Variants in NANP observed in about 807,000 individuals in gnomAD.
NANP encodes N-acylneuraminate-9-phosphatase.
NANP carries 15 observed loss-of-function variants against 16.9 expected under a neutral mutation model. The ratio of observed to expected loss-of-function variants is 0.89; its 90% CI spans 0.59 to 1.37. The LOEUF (loss-of-function observed/expected upper bound fraction) is 1.37, where lower values mean the gene tolerates loss of function less well. NANP is among the 40% of genes most tolerant of loss of function. The probability of loss-of-function intolerance (pLI) is 0.00; values close to 1 mark genes in which losing one functional copy is unlikely to be tolerated. For synonymous variants in NANP, 135 were observed against 112.6 expected, an observed-to-expected ratio of 1.20 and a Z score of -1.26; for missense variants, 290 against 303.5, an observed-to-expected ratio of 0.96 and a Z score of 0.33.
rs750782909 is a variant in NANP at position 25,623,956 on chromosome 20, G to C, written c.-8C>G. 4 of 1,611,588 alleles carry C rather than the reference G, an allele frequency of 2.5e-6. No homozygotes were observed. Among genetic ancestry groups the C allele is most frequent in the Non-Finnish European group, 3.4e-6 (4 of 1,179,338 alleles). ...CACGCGGCTCAGCCCCATAGCGCCG[G>C]CCGCTGGCGCGAACCGTAGCCTTGC... On this transcript the variant is annotated 5_prime_UTR_variant, in exon 1 of 2. Transcript: ENST00000304788.
chr20:25,619,313 G>A (rs919000250), intron 1 of NANP, among the ~76,000 whole-genome samples: 3 of 151,900 alleles, frequency 2.0e-5, no homozygotes, highest in Non-Finnish European at 4.4e-5. Context: ...GTAGAGACGG[G>A]TCTTGCCATA....
intron 1 of NANP, among the ~76,000 whole-genome samples, chr20:25,622,130 G>A (rs2065366953): frequency 6.6e-6 from 1 of 152,160 alleles, no homozygotes. Flanking sequence ...AAAGACCAGG[G>A]AGGCATACGA....
rs201663735 is a variant in NANP, at chr20:25,616,177, T to C, written c.495A>G (p.Pro165=). Residue 165 remains proline (P), a synonymous_variant, in exon 2 of 2, where the codon CCA becomes CCG. Transcript: ENST00000304788. ...VVGGEQREEK[P]APSIFYYCCN... ...AGCAGTAATAAAATATGGACGGTGC[T>C]GGTTTCTCCTCTCTCTGCTCTCCAC... 1.2e-6 allele frequency: 2 copies of C among 1,614,162 alleles called. No individual in the cohort carries two copies. Among genetic ancestry groups the C allele is most frequent in the South Asian group, 2.2e-5 (2 of 91,070 alleles).
intron 1 of NANP, among the ~76,000 whole-genome samples, chr20:25,622,475 T>C (rs1241336976): frequency 1.3e-5 from 2 of 152,236 alleles, no homozygotes; most frequent in African/African-American, 4.8e-5. Flanking sequence ...TGATTCATAT[T>C]CAAATGTCTG....
Position 25,616,314 on chromosome 20 carries a change from C to T in NANP, c.358G>A (p.Glu120Lys). The T allele has an allele frequency of 1.2e-6, 2 of 1,614,168 alleles. No individual in the cohort carries two copies. The highest frequency in any genetic ancestry group is 2.2e-5 in the East Asian group (1 of 44,882). Reference sequence around the variant, plus strand: ...AGTAGGCGGACCTCCTTTCGAAGTTCAGTAAGCATGGCTTTGACGTCTTCT... The same window carrying T: ...AGTAGGCGGACCTCCTTTCGAAGTTTAGTAAGCATGGCTTTGACGTCTTCT... Reference protein sequence around the residue: ...LAEDVKAMLTELRKEVRLLLL... With the variant: ...LAEDVKAMLTKLRKEVRLLLL... The change falls in exon 2 of 2, where the codon GAA becomes AAA. Residue 120 changes from glutamate to lysine, a missense_variant. By Grantham distance (56) the Glu-to-Lys change is moderately conservative. Transcript: ENST00000304788.
At chr20:25,617,802 C>T (rs950884206) in intron 1 of NANP, among the ~76,000 whole-genome samples, 1 of 152,124 alleles carries the variant, frequency 6.6e-6, no homozygotes, top group Admixed American at 6.6e-5. Flanking sequence ...TAGGCATGAG[C>T]CACTGCGCCC....
chr20:25,618,899 T>G (rs2065353988), intron 1 of NANP, among the ~76,000 whole-genome samples: 1 of 152,068 alleles, frequency 6.6e-6, no homozygotes. Context: ...CTGTCTGCAC[T>G]GGAAATCCTG....
At chr20:25,623,040 G>A (rs570542409) in intron 1 of NANP, among the ~76,000 whole-genome samples, 46 of 152,374 alleles carry the variant, frequency 3.0e-4, no homozygotes, top group Non-Finnish European at 6.2e-4. Flanking sequence ...ACTAACTGAT[G>A]AAGCATGAAG....
Position 25,615,831 on chromosome 20 carries a change from GA to G in NANP, c.*93del. On this transcript the variant is annotated 3_prime_UTR_variant, in exon 2 of 2. Coordinates refer to ENST00000304788, the MANE Select transcript of NANP (RefSeq NM_152667.3). ...TAAATCATAAGTAAAATTATTCTTA[GA>G]GCTGGATTATCATAAGTGGAGTGCC... is the stretch of plus-strand genomic sequence containing the variant. 1 of 1,226,702 alleles carries G rather than the reference GA, an allele frequency of 8.2e-7. No individual in the cohort carries two copies. The highest frequency in any genetic ancestry group is 1.1e-6 in the Non-Finnish European group (1 of 880,098). 76.0% of individuals were successfully genotyped at this position (1,226,702 alleles called of 1,614,324 possible).
At chr20:25,619,458 A>G (rs111254165) in intron 1 of NANP, among the ~76,000 whole-genome samples, 52 of 152,280 alleles carry the variant, frequency 3.4e-4, no homozygotes, top group African/African-American at 1.1e-3. Flanking sequence ...TGTGCTAATC[A>G]GAAAATGTAT....
intron 1 of NANP, among the ~76,000 whole-genome samples, chr20:25,617,628 T>C (rs1274043328): frequency 1.3e-5 from 2 of 152,172 alleles, no homozygotes; most frequent in South Asian, 2.1e-4. Context: ...GTGATTCTCC[T>C]GCTTCAGCCT....
chr20:25,619,600 A>G (rs565042367), intron 1 of NANP, among the ~76,000 whole-genome samples: 1 of 152,356 alleles, frequency 6.6e-6, no homozygotes, highest in Non-Finnish European at 1.5e-5. Context: ...AAAACGCTGT[A>G]AATTTTTGCT....
At chr20:25,620,897 T>C (rs1245683063) in intron 1 of NANP, among the ~76,000 whole-genome samples, 1 of 151,848 alleles carries the variant, frequency 6.6e-6, no homozygotes, top group Non-Finnish European at 1.5e-5. Context: ...GAAAATGCTA[T>C]ATAAACTGCA....
chr20:25,617,964 ACATT>A (rs1257364830), intron 1 of NANP, among the ~76,000 whole-genome samples: 6 of 152,144 alleles, frequency 3.9e-5, no homozygotes, highest in Non-Finnish European at 7.3e-5. Context: ...ATACTTACAT[ACATT>A]ATTTCTAAAC....
chr20:25,615,241 T>C lies in NANP; in HGVS notation c.*684A>G, dbSNP rs1281337427. 2 of 152,264 alleles carry C rather than the reference T, an allele frequency of 1.3e-5. No individual in the cohort carries two copies. The highest frequency in any genetic ancestry group is 2.9e-5 in the Non-Finnish European group (2 of 67,988). The allele number at this position is 152,264 out of a possible 1,614,324, so 9.4% of individuals were successfully genotyped here. A position where few individuals can be genotyped will look rare whatever the true frequency, so the allele number is the denominator to read the frequency against. ...AAAATGTCACGGTAAAGGAGCACCA[T>C]GTGTTGATTTTAACAGCTTTTTCTA... On this transcript the variant is annotated 3_prime_UTR_variant, in exon 2 of 2. Coordinates refer to ENST00000304788, the MANE Select transcript of NANP (RefSeq NM_152667.3).
In NANP at chr20:25,616,386, A is replaced by G; in HGVS notation, c.286T>C (p.Cys96Arg). 1 of 1,613,138 alleles carries G rather than the reference A, an allele frequency of 6.2e-7. No individual in the cohort carries two copies. Among genetic ancestry groups the G allele is most frequent in the Non-Finnish European group, 8.5e-7 (1 of 1,179,656 alleles). ...CGTGTAGATTTCCAAAGGAAATAACATTCTTCAGCCAATTTTCTATTGGCT... is the reference window on the plus strand; with the variant it reads ...CGTGTAGATTTCCAAAGGAAATAACGTTCTTCAGCCAATTTTCTATTGGCT... ...GAANRKLAEE[C>R]YFLWKSTRLQ... The change falls in exon 2 of 2, where the codon TGT (cysteine) becomes CGT (arginine). Residue 96 changes from cysteine to arginine, a missense_variant. Physicochemically the swap from Cys to Arg is radical, Grantham distance 180. Coordinates refer to ENST00000304788, the MANE Select transcript of NANP (RefSeq NM_152667.3).
rs535248741 is a variant in NANP, at chr20:25,617,326, T to G, written c.91-745A>C. Among the ~76,000 whole-genome samples, 5 of 152,254 alleles carry G rather than the reference T, an allele frequency of 3.3e-5. 1 individual carries two copies. The highest frequency in any genetic ancestry group is 3.3e-4 in the Admixed American group (5 of 15,302). On this transcript the variant is annotated intron_variant, in intron 1 of 1. Coordinates refer to ENST00000304788, the MANE Select transcript of NANP (RefSeq NM_152667.3). ...GCCCAGGCTCAAGAGATTCTCCTGC[T>G]TTAGCCTCCCAAGTAGCTGGGATTA...
Position 25,618,786 on chromosome 20 carries a change from C to A in NANP, c.91-2205G>T, listed in dbSNP as rs28471671. ...TGTCCCCCAGAAATCTCCAGCTGCT[C>A]ACAGCAGTAACCTGGTCATTAAGCT... On this transcript the variant is annotated intron_variant, in intron 1 of 1. Coordinates refer to ENST00000304788, the MANE Select transcript of NANP (RefSeq NM_152667.3). Among the ~76,000 whole-genome samples, 224 of 152,262 alleles carry A rather than the reference C, an allele frequency of 1.5e-3. 2 individuals are homozygous for A. The highest frequency in any genetic ancestry group is 5.3e-3 in the African/African-American group (221 of 41,544).
intron 1 of NANP, among the ~76,000 whole-genome samples, chr20:25,619,898 G>C (rs1456324180): frequency 6.6e-6 from 1 of 152,090 alleles, no homozygotes; most frequent in Non-Finnish European, 1.5e-5. Flanking sequence ...GCACATTCTT[G>C]GGGCTCTGAA....
Sources: gnomAD v4.1 joint callset for allele counts (sites outside exome capture counted in the v4.1 genomes callset) on GRCh38, gnomAD v4.1.1 for gene constraint, MANE v1.5 for transcripts, NCBI Gene and HGNC (gene_info 2026-07-23, HGNC 2026-07-21) for gene names.